Variants in ARB2A observed in about 807,000 individuals in gnomAD.
The protein encoded by ARB2A is cotranscriptional regulator ARB2A.
the ARB2A span, among the ~76,000 whole-genome samples, chr5:93,787,474 T>C: frequency 6.6e-6 from 1 of 152,174 alleles, no homozygotes; most frequent in East Asian, 1.9e-4. Flanking sequence ...AATTTCAAAA[T>C]AAAATACAAA....
At chr5:93,697,835 C>T in the ARB2A span, among the ~76,000 whole-genome samples, 1 of 151,952 alleles carries the variant, frequency 6.6e-6, no homozygotes, top group Non-Finnish European at 1.5e-5. Flanking sequence ...TTTAATTATT[C>T]TTAATTAAAG....
chr5:93,621,019 G>A, the ARB2A span: 1 of 1,611,076 alleles, frequency 6.2e-7, no homozygotes, highest in Non-Finnish European at 8.5e-7. Context: ...CGGTGGGAGC[G>A]GCGCGTCACA....
At chr5:93,683,111 T>C in the ARB2A span, 4 of 1,556,262 alleles carry the variant, frequency 2.6e-6, no homozygotes, top group Non-Finnish European at 3.5e-6. Context: ...CTTTTGTGCA[T>C]TTTTGGCTGG....
chr5:93,929,679 T>G, the ARB2A span, among the ~76,000 whole-genome samples: 1 of 152,184 alleles, frequency 6.6e-6, no homozygotes, highest in African/African-American at 2.4e-5. Context: ...AAACTTAAAC[T>G]GGACCCTTTC....
chr5:93,664,650 T>TATA, the ARB2A span, among the ~76,000 whole-genome samples: 2 of 148,034 alleles, frequency 1.4e-5, no homozygotes, highest in Non-Finnish European at 3.0e-5. Context: ...TATATATATA[T>TATA]ATAATAATAA....
chr5:93,945,751 G>C, the ARB2A span, among the ~76,000 whole-genome samples: 1 of 151,994 alleles, frequency 6.6e-6, no homozygotes, highest in African/African-American at 2.4e-5. Flanking sequence ...AAGTTTCTCA[G>C]AACTAAAGAT....
chr5:94,032,208 A>G, the ARB2A span, among the ~76,000 whole-genome samples: 1 of 152,170 alleles, frequency 6.6e-6, no homozygotes, highest in African/African-American at 2.4e-5. Context: ...TGCACTGCTT[A>G]AAGTTTATAA....
the ARB2A span, among the ~76,000 whole-genome samples, chr5:93,747,240 T>C: frequency 6.6e-6 from 1 of 152,116 alleles, no homozygotes; most frequent in African/African-American, 2.4e-5. Context: ...GATAACTCTT[T>C]TAAGTGTTGT....
the ARB2A span, chr5:93,824,161 G>A: frequency 2.6e-5 from 41 of 1,586,712 alleles, no homozygotes; most frequent in Non-Finnish European, 3.4e-5. Context: ...TTCAACAAAA[G>A]CAAGTCCTCC....
At chr5:93,994,370 A>G in the ARB2A span, among the ~76,000 whole-genome samples, 1 of 152,222 alleles carries the variant, frequency 6.6e-6, no homozygotes, top group African/African-American at 2.4e-5. Flanking sequence ...TTGAAGACAT[A>G]TATGAACCTG....
chr5:93,665,685 C>G, the ARB2A span, among the ~76,000 whole-genome samples: 1 of 152,194 alleles, frequency 6.6e-6, no homozygotes, highest in Non-Finnish European at 1.5e-5. Flanking sequence ...TTATTTAACA[C>G]AGACCACTGC....
At chr5:93,653,882 G>A in the ARB2A span, among the ~76,000 whole-genome samples, 3 of 152,210 alleles carry the variant, frequency 2.0e-5, no homozygotes, top group Non-Finnish European at 4.4e-5. Context: ...CCATAGAATT[G>A]GCAAGTGCCA....
chr5:93,733,723 T>C, the ARB2A span: 3 of 152,208 alleles, frequency 2.0e-5, no homozygotes, highest in South Asian at 6.2e-4. Flanking sequence ...CTTCGAAATT[T>C]CCTTAACTAT....
chr5:93,891,685 C>T, the ARB2A span, among the ~76,000 whole-genome samples: 1 of 152,010 alleles, frequency 6.6e-6, no homozygotes, highest in African/African-American at 2.4e-5. Context: ...GAGTAACTGG[C>T]AGTATCTCAT....
chr5:93,844,783 C>T, the ARB2A span, among the ~76,000 whole-genome samples: 1 of 152,170 alleles, frequency 6.6e-6, no homozygotes, highest in Non-Finnish European at 1.5e-5. Flanking sequence ...GTTGTTATCA[C>T]CAAGACCCTC....
chr5:94,063,903 A>C, the ARB2A span, among the ~76,000 whole-genome samples: 2 of 152,172 alleles, frequency 1.3e-5, no homozygotes, highest in Non-Finnish European at 2.9e-5. Context: ...TGATTCTCAC[A>C]CCAGATACCC....
the ARB2A span, among the ~76,000 whole-genome samples, chr5:94,077,103 G>A: frequency 2.1e-4 from 32 of 152,066 alleles, 1 homozygote; most frequent in East Asian, 5.4e-3. Context: ...GGCTGGGCGC[G>A]GTGGCTCACG....
At chr5:94,041,558 G>A in the ARB2A span, among the ~76,000 whole-genome samples, 2 of 152,118 alleles carry the variant, frequency 1.3e-5, no homozygotes, top group Non-Finnish European at 2.9e-5. Flanking sequence ...TACATTGTCA[G>A]AAAAGTAAAA....
the ARB2A span, among the ~76,000 whole-genome samples, chr5:93,829,340 A>T: frequency 1.3e-5 from 2 of 152,108 alleles, no homozygotes; most frequent in African/African-American, 2.4e-5. Context: ...ATTTGTCCAG[A>T]TAGTGATCTT....
Sources: allele counts gnomAD v4.1 joint callset (sites outside exome capture counted in the v4.1 genomes callset), GRCh38; gene constraint gnomAD v4.1.1; transcripts MANE v1.5; gene names NCBI Gene and HGNC (gene_info 2026-07-23, HGNC 2026-07-21).